The following WNK3 variants were observed in gnomAD, a reference collection of about 807,000 sequenced individuals.
The protein encoded by WNK3 is WNK lysine deficient protein kinase 3.
Under a neutral mutation model 116.7 loss-of-function variants are expected in WNK3, and 18 were observed. That is an observed-to-expected ratio of 0.15 (90% CI 0.11 to 0.23). WNK3 has a LOEUF of 0.23. WNK3 is among the 10% of genes least tolerant of loss of function. The pLI is 1.00. For missense variants in WNK3, 993 were observed against 1,323.8 expected (o/e 0.75, Z 3.88); for synonymous variants, 404 against 469.4 (o/e 0.86, Z 1.80).
intron 21 of WNK3, among the ~76,000 whole-genome samples, chrX:54,229,503 C>T (rs782608502): frequency 2.7e-5 from 3 of 109,236 alleles, no homozygotes; most frequent in Non-Finnish European, 5.7e-5. Flanking sequence ...TAGATATAGT[C>T]AAGCTGATTC....
At position 54,346,117 on chromosome X, in the gene WNK3, CAT is replaced by C. The variant is rs1369187702; in HGVS notation, c.-120+11567_-120+11568del. ...AATGATATATATATATACACACACA[CAT>C]ATGTGTGTGTATATATATATATATG... On this transcript the variant is annotated intron_variant, in intron 1 of 23. Coordinates refer to ENST00000354646, the Ensembl canonical transcript of WNK3. Among the ~76,000 whole-genome samples the C allele has an allele frequency of 2.8e-4, 4 of 14,151 alleles. No individual in the cohort carries two copies. The East Asian group carries it at 0.011, about 39-fold the overall frequency. 12.3% of individuals were successfully genotyped at this position (14,151 alleles called of 115,157 possible). A position where few individuals can be genotyped will look rare whatever the true frequency, so the allele number is the denominator to read the frequency against.
intron 10 of WNK3, among the ~76,000 whole-genome samples, chrX:54,271,196 A>T (rs1236807479): frequency 8.9e-6 from 1 of 112,511 alleles, no homozygotes; most frequent in Non-Finnish European, 1.9e-5. Flanking sequence ...CTTTTTACTT[A>T]TAAAGATAAA....
At chrX:54,256,376 G>A (rs782152444) in intron 11 of WNK3, among the ~76,000 whole-genome samples, 1 of 111,868 alleles carries the variant, frequency 8.9e-6, no homozygotes, top group Non-Finnish European at 1.9e-5. Flanking sequence ...AGGTATGGGA[G>A]ACAAGAATAG....
intron 1 of WNK3, among the ~76,000 whole-genome samples, chrX:54,349,951 A>G (rs1021455775): frequency 8.9e-6 from 1 of 112,013 alleles, no homozygotes; most frequent in Non-Finnish European, 1.9e-5. Context: ...AAACAAACAC[A>G]TGTATGTATA....
At position 54,251,592 on chromosome X, in the gene WNK3, G is replaced by C. The variant is rs782405935; in HGVS notation, c.2463C>G (p.His821Gln). The C allele has an allele frequency of 6.6e-6, 8 of 1,211,122 alleles. No individual in the cohort carries two copies. In the Admixed American group the frequency reaches 1.7e-4, roughly 26 times the overall value. ...CTCCAGTGGCTCTTTCTGTGGCAAA[G>C]TGGACATGAAGGATCTCCTGGGCTT... is the stretch of plus-strand genomic sequence containing the variant. Residue 821 changes from histidine (H) to glutamine (Q), a missense_variant, in exon 14 of 24, where the codon CAC becomes CAG. His to Gln is a conservative substitution (Grantham distance 24). Around this residue, in one of 4 missense-constraint regions of WNK3, gnomAD observed 836 missense variants for 976.5 expected, o/e 0.86. Transcript: ENST00000354646.
chrX:54,328,740 C>T (rs1459295407), intron 2 of WNK3, among the ~76,000 whole-genome samples: 2 of 112,288 alleles, frequency 1.8e-5, no homozygotes, highest in African/African-American at 6.5e-5. Context: ...TTATATATTA[C>T]ATTTCCTCCA....
chrX:54,224,581 TC>T (rs1173656164), intron 22 of WNK3, among the ~76,000 whole-genome samples: 2 of 109,323 alleles, frequency 1.8e-5, no homozygotes, highest in African/African-American at 3.3e-5. Context: ...TTTTTTTTTT[TC>T]TTTTTGAGAT....
At chrX:54,343,008 C>T (rs1359875375) in intron 1 of WNK3, among the ~76,000 whole-genome samples, 1 of 110,759 alleles carries the variant, frequency 9.0e-6, no homozygotes, top group Non-Finnish European at 1.9e-5. Context: ...GCCTCCACAC[C>T]TAGCTAACTT....
intron 20 of WNK3, 122 bp from the exon 21 acceptor site, chrX:54,233,142 A>G (rs2067920612): frequency 1.9e-6 from 1 of 527,696 alleles, no homozygotes. Flanking sequence ...GGGGAAATAG[A>G]GACTAGGCAC....
In WNK3 at chrX:54,333,812, T is replaced by A; in HGVS notation, c.-119-20A>T. On this transcript the variant is annotated intron_variant, in intron 1 of 23. Coordinates refer to ENST00000354646, the Ensembl canonical transcript of WNK3. The stretch of plus-strand genomic sequence containing the variant: ...AGCAACCTGAAGGGGGGGAAAAAGA[T>A]ATTTTAAAATCACCCTACAAAGGAA... 2.2e-6 allele frequency: 1 copy of A among 448,668 alleles called. No individual in the cohort carries two copies. The highest frequency in any genetic ancestry group is 4.2e-5 in the Admixed American group (1 of 24,069). 37.0% of individuals were successfully genotyped at this position (448,668 alleles called of 1,213,427 possible). A position where few individuals can be genotyped will look rare whatever the true frequency, so the allele number is the denominator to read the frequency against.
intron 2 of WNK3, among the ~76,000 whole-genome samples, chrX:54,325,146 C>T (rs2069083433): frequency 9.0e-6 from 1 of 111,175 alleles, no homozygotes; most frequent in Non-Finnish European, 1.9e-5. Context: ...ACCTGCTATA[C>T]TCTATTGTGC....
At chrX:54,292,751 G>A in intron 10 of WNK3, 137 bp downstream of exon 10, 7 of 457,885 alleles carry the variant, frequency 1.5e-5, no homozygotes, top group Non-Finnish European at 2.4e-5. Flanking sequence ...GTGAAGGAAA[G>A]CATAAACAAC....
At position 54,259,968 on chromosome X, in the gene WNK3, C is replaced by T. The variant is rs2146970488; in HGVS notation, c.2038-630G>A. On this transcript the variant is annotated intron_variant, in intron 10 of 23. Transcript: ENST00000354646. ...CAAATCTAACAAAACTGATAATTTC[C>T]TTACCCAGTTTAAACCCTATATGAT... Among the ~76,000 whole-genome samples the T allele has an allele frequency of 1.8e-5, 2 of 111,869 alleles. 1 individual carries two copies. Among genetic ancestry groups the T allele is most frequent in the South Asian group, 7.5e-4 (2 of 2,674 alleles).
intron 17 of WNK3, among the ~76,000 whole-genome samples, chrX:54,245,145 CGTGTGTGTGTGTGTGTGTGT>C (rs782272022): frequency 1.2e-5 from 1 of 84,671 alleles, no homozygotes; most frequent in Non-Finnish European, 2.3e-5. Context: ...CATATATATG[CGTGTGTGTGTGTGTGTGTGT>C]GTGTGTGTGT....
intron 22 of WNK3, among the ~76,000 whole-genome samples, chrX:54,224,613 A>C (rs1448414721): frequency 9.3e-6 from 1 of 107,925 alleles, no homozygotes; most frequent in African/African-American, 3.4e-5. Context: ...TCTGTCGCCC[A>C]GGCTGGAGTG....
chrX:54,291,974 C>T (rs782723957), intron 10 of WNK3, among the ~76,000 whole-genome samples: 24 of 111,263 alleles, frequency 2.2e-4, no homozygotes, highest in African/African-American at 7.2e-4. Context: ...CGGGTAATGG[C>T]AAAGAAAAAT....
At chrX:54,213,583 C>A (rs868919106) in intron 22 of WNK3, among the ~76,000 whole-genome samples, 60 of 76,368 alleles carry the variant, frequency 7.9e-4, no homozygotes, top group Middle Eastern at 6.3e-3. Context: ...AAAAAAAAAA[C>A]TAGGGGAAAA....
chrX:54,255,451 A>G (rs1336414277), intron 12 of WNK3, among the ~76,000 whole-genome samples: 7 of 112,155 alleles, frequency 6.2e-5, no homozygotes, highest in African/African-American at 1.9e-4. Flanking sequence ...TACAACCTCA[A>G]TAATGTAAAA....
chrX:54,205,450 T>C (rs984280473), intron 22 of WNK3, among the ~76,000 whole-genome samples: 5 of 111,448 alleles, frequency 4.5e-5, no homozygotes, highest in Non-Finnish European at 9.4e-5. Context: ...GCTGAACTAG[T>C]GGCACAATAG....
Sources: gnomAD v4.1 joint callset for allele counts (sites outside exome capture counted in the v4.1 genomes callset) on GRCh38, gnomAD v4.1.1 for gene constraint, gnomAD v4.1.1 regional missense constraint, MANE v1.5 for transcripts, NCBI Gene and HGNC (gene_info 2026-07-23, HGNC 2026-07-21) for gene names.